Variants in SMAP1 observed in about 807,000 individuals in gnomAD.
The protein encoded by SMAP1 is stromal membrane-associated protein 1.
In SMAP1, 24 loss-of-function variants were observed where a neutral mutation model predicts 58.5. That is an observed-to-expected ratio of 0.41 (90% CI 0.30 to 0.58). The LOEUF (loss-of-function observed/expected upper bound fraction) is 0.58. Ranked by LOEUF, SMAP1 falls within the 20% of genes least tolerant of loss-of-function variation. The pLI, the probability that SMAP1 is intolerant of heterozygous loss-of-function variation, is 0.29. For missense variants in SMAP1, 563 were observed against 566.3 expected, an observed-to-expected ratio of 0.99 and a Z score of 0.06; for synonymous variants, 216 against 196.6, an observed-to-expected ratio of 1.10 and a Z score of -0.82.
intron 3 of SMAP1, among the ~76,000 whole-genome samples, chr6:70,758,845 G>A (rs1582127364): frequency 6.6e-6 from 1 of 152,022 alleles, no homozygotes; most frequent in Non-Finnish European, 1.5e-5. Flanking sequence ...CTTATTCACT[G>A]GGAGAAGGAA....
intron 2 of SMAP1, among the ~76,000 whole-genome samples, chr6:70,749,310 C>T (rs981488678): frequency 3.3e-5 from 5 of 152,156 alleles, no homozygotes; most frequent in Admixed American, 3.3e-4. Flanking sequence ...AGTCCCTTCC[C>T]AACACCTGAC....
chr6:70,810,919 T>C (rs1769359453), intron 6 of SMAP1, among the ~76,000 whole-genome samples: 1 of 152,166 alleles, frequency 6.6e-6, no homozygotes, highest in African/African-American at 2.4e-5. Context: ...ATAATTTACC[T>C]TCCACTGAGC....
chr6:70,718,004 C>T (rs1022759260), intron 1 of SMAP1, among the ~76,000 whole-genome samples: 1 of 152,090 alleles, frequency 6.6e-6, no homozygotes, highest in Non-Finnish European at 1.5e-5. Flanking sequence ...GTTATAGAAG[C>T]AATGACTAAA....
intron 1 of SMAP1, among the ~76,000 whole-genome samples, chr6:70,727,146 C>T (rs1768827811): frequency 6.6e-6 from 1 of 151,986 alleles, no homozygotes; most frequent in Non-Finnish European, 1.5e-5. Context: ...CTCCCTCTGT[C>T]ACCCAGGCTG....
Position 70,732,523 on chromosome 6 carries a change from G to A in SMAP1, c.252+12G>A, listed in dbSNP as rs370455616. 77 of 1,503,008 alleles carry A rather than the reference G, an allele frequency of 5.1e-5. No homozygotes were observed. Among genetic ancestry groups the A allele is most frequent in the African/African-American group, 1.1e-4 (8 of 71,024 alleles). The allele number at this position is 1,503,008 out of a possible 1,614,324, so 93.1% of individuals were successfully genotyped here. ...CAGAACAGATACAGGTAAACATGAC[G>A]TTACCAAGAAATTATTTAAAATATT... On this transcript the variant is annotated intron_variant, in intron 2 of 10. Transcript: ENST00000370455.
At chr6:70,688,556 A>T (rs533457861) in intron 1 of SMAP1, among the ~76,000 whole-genome samples, 1 of 152,260 alleles carries the variant, frequency 6.6e-6, no homozygotes, top group Non-Finnish European at 1.5e-5. Flanking sequence ...ATGGTGTTGA[A>T]CATCTTTTCA....
intron 6 of SMAP1, among the ~76,000 whole-genome samples, chr6:70,828,361 C>G (rs2149989635): frequency 6.6e-6 from 1 of 152,226 alleles, no homozygotes; most frequent in Middle Eastern, 3.4e-3. Flanking sequence ...AGTAGGTAAT[C>G]AAGATAGGTT....
intron 1 of SMAP1, among the ~76,000 whole-genome samples, chr6:70,710,257 C>G (rs965366386): frequency 5.3e-5 from 8 of 152,058 alleles, no homozygotes; most frequent in African/African-American, 1.4e-4. Context: ...CTTTGGAAGG[C>G]TGAGGTGGGC....
rs559534250 is a variant in SMAP1 at position 70,779,208 on chromosome 6, G to A, written c.414+5783G>A. On this transcript the variant is annotated intron_variant, in intron 4 of 10. Coordinates refer to ENST00000370455, the MANE Select transcript of SMAP1 (RefSeq NM_001044305.3). ...GGGTGTAGGCTTCTGCAGGACTCAGGTGCCAGGGACTTGGCTGCACTGCCG... is the reference window on the plus strand; with the variant it reads ...GGGTGTAGGCTTCTGCAGGACTCAGATGCCAGGGACTTGGCTGCACTGCCG... Among the ~76,000 whole-genome samples, 4 of 152,304 alleles carry A rather than the reference G, an allele frequency of 2.6e-5. No individual in the cohort carries two copies. The East Asian group carries it at 7.7e-4, about 29-fold the overall frequency.
At chr6:70,752,218 G>A (rs1766308196) in intron 2 of SMAP1, among the ~76,000 whole-genome samples, 1 of 152,100 alleles carries the variant, frequency 6.6e-6, no homozygotes, top group African/African-American at 2.4e-5. Context: ...CAACCTCTTT[G>A]TGCCTCAGTT....
chr6:70,745,233 C>A (rs578014708), intron 2 of SMAP1, among the ~76,000 whole-genome samples: 1 of 152,328 alleles, frequency 6.6e-6, no homozygotes, highest in South Asian at 2.1e-4. Flanking sequence ...GTGTTTTAGT[C>A]ATGAAGTCCT....
chr6:70,718,579 T>C (rs1768372129), intron 1 of SMAP1, among the ~76,000 whole-genome samples: 1 of 152,076 alleles, frequency 6.6e-6, no homozygotes, highest in Non-Finnish European at 1.5e-5. Flanking sequence ...CCCAGCACTA[T>C]GGGAGGCCAA....
At chr6:70,810,074 A>T (rs1769321854) in intron 6 of SMAP1, among the ~76,000 whole-genome samples, 1 of 152,212 alleles carries the variant, frequency 6.6e-6, no homozygotes, top group African/African-American at 2.4e-5. Context: ...ACCCCTCAGT[A>T]AAAATAAATA....
chr6:70,697,569 G>A (rs1444919133), intron 1 of SMAP1, among the ~76,000 whole-genome samples: 3 of 152,106 alleles, frequency 2.0e-5, no homozygotes, highest in South Asian at 2.1e-4. Context: ...GCCTCCCCAA[G>A]TGCTGGGATT....
chr6:70,690,900 G>A (rs1767139740), intron 1 of SMAP1, among the ~76,000 whole-genome samples: 2 of 151,318 alleles, frequency 1.3e-5, no homozygotes, highest in Admixed American at 1.3e-4. Flanking sequence ...AATTTCCGGA[G>A]GAGTTTGTAT....
intron 6 of SMAP1, among the ~76,000 whole-genome samples, chr6:70,810,222 A>T (rs1769328004): frequency 6.6e-6 from 1 of 152,122 alleles, no homozygotes. Context: ...AGGCATGCGT[A>T]GAACTCCTGA....
chr6:70,798,321 C>T (rs1485607275), intron 5 of SMAP1, among the ~76,000 whole-genome samples: 1 of 149,432 alleles, frequency 6.7e-6, no homozygotes, highest in Non-Finnish European at 1.5e-5. Flanking sequence ...GTTAGGAAGT[C>T]TAACCTAATA....
At chr6:70,679,376 G>A (rs2128550855) in intron 1 of SMAP1, among the ~76,000 whole-genome samples, 2 of 152,218 alleles carry the variant, frequency 1.3e-5, no homozygotes, top group South Asian at 4.1e-4. Flanking sequence ...GGTATGGGAT[G>A]ATGAAGTACT....
chr6:70,834,561 G>C (rs1202358412), intron 6 of SMAP1, among the ~76,000 whole-genome samples: 4 of 152,144 alleles, frequency 2.6e-5, no homozygotes, highest in Non-Finnish European at 2.9e-5. Flanking sequence ...ATAGGGATTA[G>C]ACTTAACTAC....
Sources: allele counts gnomAD v4.1 joint callset (sites outside exome capture counted in the v4.1 genomes callset), GRCh38; gene constraint gnomAD v4.1.1; transcripts MANE v1.5; gene names NCBI Gene and HGNC (gene_info 2026-07-23, HGNC 2026-07-21).